XXYLT1: variants seen among roughly 807,000 people sequenced by gnomAD.
XXYLT1 encodes xyloside xylosyltransferase 1, also known as UDP-xylose:alpha-xyloside alpha-1,3-xylosyltransferase.
XXYLT1 carries 20 observed loss-of-function variants against 28.9 expected under a neutral mutation model. The ratio of observed to expected loss-of-function variants is 0.69; its 90% confidence interval spans 0.49 to 1.00. The LOEUF (loss-of-function observed/expected upper bound fraction) is 1.00, where lower values mean the gene tolerates loss of function less well. Ranked by LOEUF, XXYLT1 falls within the 50% of genes least tolerant of loss-of-function variation. The pLI, the probability that XXYLT1 is intolerant of heterozygous loss-of-function variation, is 0.00. For missense variants in XXYLT1, 542 were observed against 560.1 expected (o/e 0.97, Z 0.33); for synonymous variants, 257 against 253.8 (o/e 1.01, Z -0.12).
intron 2 of XXYLT1, among the ~76,000 whole-genome samples, chr3:195,204,057 A>G (rs1225306868): frequency 6.6e-6 from 1 of 152,348 alleles, no homozygotes; most frequent in East Asian, 1.9e-4. Context: ...AGAGAAAACT[A>G]TCATTGGCCG....
intron 3 of XXYLT1, among the ~76,000 whole-genome samples, chr3:195,126,245 C>T (rs1212808664): frequency 6.6e-6 from 1 of 152,220 alleles, no homozygotes; most frequent in Non-Finnish European, 1.5e-5. Context: ...GGCTGCCAGA[C>T]CCAGGCCTGC....
chr3:195,224,081 A>G (rs1387337425), intron 2 of XXYLT1, among the ~76,000 whole-genome samples: 3 of 152,146 alleles, frequency 2.0e-5, no homozygotes, highest in Non-Finnish European at 4.4e-5. Flanking sequence ...GCTTGAACCC[A>G]GGAGGCAGAG....
At chr3:195,083,503 C>T (rs964805463) in intron 3 of XXYLT1, among the ~76,000 whole-genome samples, 2 of 152,172 alleles carry the variant, frequency 1.3e-5, no homozygotes, top group African/African-American at 2.4e-5. Flanking sequence ...TCCTCATCTC[C>T]TCCTCAGAAG....
chr3:195,242,078 C>G (rs1273199364), intron 1 of XXYLT1, among the ~76,000 whole-genome samples: 2 of 152,186 alleles, frequency 1.3e-5, no homozygotes, highest in African/African-American at 4.8e-5. Context: ...AGTGGAGGCT[C>G]TGTAAATGCT....
intron 1 of XXYLT1, among the ~76,000 whole-genome samples, chr3:195,263,013 A>T (rs1725740426): frequency 6.6e-6 from 1 of 152,170 alleles, no homozygotes. Flanking sequence ...TTCAGGTGCA[A>T]GGTGCCTGCT....
chr3:195,164,383 A>G (rs925360202), intron 2 of XXYLT1, among the ~76,000 whole-genome samples: 1 of 152,154 alleles, frequency 6.6e-6, no homozygotes, highest in Non-Finnish European at 1.5e-5. Context: ...TTCAGCCCTC[A>G]GCTGTCCCCA....
At chr3:195,199,038 T>C (rs766030737) in intron 2 of XXYLT1, among the ~76,000 whole-genome samples, 1 of 152,132 alleles carries the variant, frequency 6.6e-6, no homozygotes, top group Non-Finnish European at 1.5e-5. Flanking sequence ...TAGAAACAAA[T>C]TTTGATCAAC....
rs1213667952 is a variant in XXYLT1, at chr3:195,271,119, A to ACGCCGGCGGCCACTTAG, written c.-78_-62dup. The stretch of plus-strand genomic sequence containing the variant: ...CGCGGGAGAGCCCTCGGGTACCCGG[A>ACGCCGGCGGCCACTTAG]CGCCGGCGGCCACTTAGCCCCGGCG... On this transcript the variant is annotated 5_prime_UTR_variant, in exon 1 of 4. Coordinates refer to ENST00000310380, the MANE Select transcript of XXYLT1 (RefSeq NM_152531.5). 5 of 1,274,382 alleles carry ACGCCGGCGGCCACTTAG rather than the reference A, an allele frequency of 3.9e-6. No homozygotes were observed. The African/African-American group carries it at 7.8e-5, about 20-fold the overall frequency. The allele number at this position is 1,274,382 out of a possible 1,614,324, so 78.9% of individuals were successfully genotyped here. A position where few individuals can be genotyped will look rare whatever the true frequency, so the allele number is the denominator to read the frequency against.
rs184845799 is a variant in XXYLT1 at position 195,168,986 on chromosome 3, C to T, written c.653-12405G>A. Among the ~76,000 whole-genome samples, 26 of 152,318 alleles carry T rather than the reference C, an allele frequency of 1.7e-4. No homozygotes were observed. Among genetic ancestry groups the T allele is most frequent in the Admixed American group, 9.8e-4 (15 of 15,298 alleles). The stretch of plus-strand genomic sequence containing the variant: ...CCTACTTCTGGGAAACAAATCACTC[C>T]AAAACCTAGTGGCTTAAAACAACAG... On this transcript the variant is annotated intron_variant, in intron 2 of 3. Transcript: ENST00000310380. The surrounding 1 kb of genome is among the most constrained non-coding windows in gnomAD (Gnocchi z 4.3).
chr3:195,163,218 C>T (rs1196567331), intron 2 of XXYLT1, among the ~76,000 whole-genome samples: 2 of 152,204 alleles, frequency 1.3e-5, no homozygotes, highest in Non-Finnish European at 2.9e-5. Flanking sequence ...GTTGCCCAAA[C>T]TGTCACAGTG....
chr3:195,249,005 C>T (rs1725146810), intron 1 of XXYLT1, among the ~76,000 whole-genome samples: 1 of 152,082 alleles, frequency 6.6e-6, no homozygotes, highest in South Asian at 2.1e-4. Flanking sequence ...AATACAGGAG[C>T]CAAATTAAAA....
chr3:195,078,068 A>G lies in XXYLT1; in HGVS notation c.786-7957T>C, dbSNP rs920420030. Among the ~76,000 whole-genome samples, 1 of 152,140 alleles carries G rather than the reference A, an allele frequency of 6.6e-6. No homozygotes were observed. Among genetic ancestry groups the G allele is most frequent in the African/African-American group, 2.4e-5 (1 of 41,434 alleles). ...GGCAGTGGAGGGGCTTTAAGCCTGG[A>G]TCCCTACTCAGACGGCGGAGCCAGA... On this transcript the variant is annotated intron_variant, in intron 3 of 3. Transcript: ENST00000310380. The surrounding 1 kb of genome is among the most constrained non-coding windows in gnomAD (Gnocchi z 5.0).
At chr3:195,082,004 C>T (rs1715461873) in intron 3 of XXYLT1, among the ~76,000 whole-genome samples, 1 of 152,238 alleles carries the variant, frequency 6.6e-6, no homozygotes, top group African/African-American at 2.4e-5. Context: ...GGGGCGATCA[C>T]TGAACTCCAA....
intron 2 of XXYLT1, among the ~76,000 whole-genome samples, chr3:195,160,322 GTCTT>G (rs2108689259): frequency 6.6e-6 from 1 of 152,332 alleles, no homozygotes; most frequent in South Asian, 2.1e-4. Flanking sequence ...CGCCTCCTCT[GTCTT>G]TCTGTTTTGA....
rs578030885 is a variant in XXYLT1 at position 195,176,299 on chromosome 3, G to A, written c.653-19718C>T. ...ATTTTAACAACATGACCACATTCCA[G>A]TAATGACCTGAAAGGGAGAAGAGGT... On this transcript the variant is annotated intron_variant, in intron 2 of 3. Coordinates refer to ENST00000310380, the MANE Select transcript of XXYLT1 (RefSeq NM_152531.5). The surrounding 1 kb of genome is among the most constrained non-coding windows in gnomAD (Gnocchi z 4.9). 1.2e-4 allele frequency among the ~76,000 whole-genome samples: 18 copies of A among 152,266 alleles called. No homozygotes were observed. The highest frequency in any genetic ancestry group is 1.6e-4 in the Non-Finnish European group (11 of 68,016).
intron 2 of XXYLT1, among the ~76,000 whole-genome samples, chr3:195,165,639 T>A (rs930546952): frequency 6.6e-6 from 1 of 152,208 alleles, no homozygotes; most frequent in Non-Finnish European, 1.5e-5. Context: ...CTGTGACAGT[T>A]TGCAAACTGA....
intron 3 of XXYLT1, among the ~76,000 whole-genome samples, chr3:195,110,798 T>C (rs1717643580): frequency 8.4e-6 from 1 of 118,954 alleles, no homozygotes; most frequent in Admixed American, 8.5e-5. Flanking sequence ...GTGTATGTGG[T>C]GTATGTGTGC....
Position 195,256,196 on chromosome 3 carries a change from C to T in XXYLT1, c.504+14359G>A, listed in dbSNP as rs1178517030. Among the ~76,000 whole-genome samples, 7 of 152,186 alleles carry T rather than the reference C, an allele frequency of 4.6e-5. No individual in the cohort carries two copies. Among genetic ancestry groups the T allele is most frequent in the African/African-American group, 1.4e-4 (6 of 41,440 alleles). Reference sequence around the variant, plus strand: ...GCAAGCCGGACTCCAATCATGGCTCCGAGCAAGCTCATCTGTGCAGCCTCT... The same window carrying T: ...GCAAGCCGGACTCCAATCATGGCTCTGAGCAAGCTCATCTGTGCAGCCTCT... On this transcript the variant is annotated intron_variant, in intron 1 of 3. Coordinates refer to ENST00000310380, the MANE Select transcript of XXYLT1 (RefSeq NM_152531.5). This position sits in a 1 kb window ranked among gnomAD's most constrained non-coding sequence, Gnocchi z 4.2.
Position 195,210,684 on chromosome 3 carries a change from A to C in XXYLT1, c.652+16025T>G, listed in dbSNP as rs1184681857. On this transcript the variant is annotated intron_variant, in intron 2 of 3. Transcript: ENST00000310380. The surrounding 1 kb of genome is among the most constrained non-coding windows in gnomAD (Gnocchi z 4.8). ...TTACTATTTTTAGCATTTTATGACA[A>C]ATTTGCTCAGCTGTCCCTCTTCAGA... Among the ~76,000 whole-genome samples the C allele has an allele frequency of 6.6e-6, 1 of 152,220 alleles. No individual in the cohort carries two copies. The highest frequency in any genetic ancestry group is 2.4e-5 in the African/African-American group (1 of 41,464).
Sources: allele counts gnomAD v4.1 joint callset (sites outside exome capture counted in the v4.1 genomes callset), GRCh38; gene constraint gnomAD v4.1.1; non-coding constraint Gnocchi (gnomAD v3.1); transcripts MANE v1.5; gene names NCBI Gene and HGNC (gene_info 2026-07-23, HGNC 2026-07-21).